SLC16A11: variants seen among roughly 807,000 people sequenced by gnomAD.
SLC16A11 encodes the protein monocarboxylate transporter 11.
A neutral mutation model predicts 26.0 loss-of-function variants in SLC16A11; 24 were observed. That is an observed-to-expected ratio of 0.92 (90% CI 0.67 to 1.30). The LOEUF is 1.30. Ranked by LOEUF, SLC16A11 falls within the 50% of genes most tolerant of loss-of-function variation. The pLI, the probability that SLC16A11 is intolerant of heterozygous loss-of-function variation, is 0.00. For missense variants in SLC16A11, 638 were observed against 597.7 expected, an observed-to-expected ratio of 1.07 and a Z score of -0.70; for synonymous variants, 332 against 296.0, an observed-to-expected ratio of 1.12 and a Z score of -1.25.
chr17:7,043,957 G>T lies in SLC16A11; in HGVS notation c.-189C>A, dbSNP rs1416746911. The T allele has an allele frequency of 9.7e-6, 2 of 206,836 alleles. No individual in the cohort carries two copies. Among genetic ancestry groups the T allele is most frequent in the African/African-American group, 4.6e-5 (2 of 43,482 alleles). The allele number at this position is 206,836 out of a possible 1,614,324, so 12.8% of individuals were successfully genotyped here. ...GGGCCTGAGCCACCTGGGACGCGGG[G>T]TGTACGGAGGGCGGGGGCGAGCTGA... On this transcript the variant is annotated 5_prime_UTR_variant, in exon 1 of 5. Coordinates refer to ENST00000574600, the MANE Select transcript of SLC16A11 (RefSeq NM_001370549.1).
At position 7,042,919 on chromosome 17, in the gene SLC16A11, A is replaced by C. The variant is rs780047693; in HGVS notation, c.346+11T>G. On this transcript the variant is annotated intron_variant, in intron 3 of 4. Transcript: ENST00000574600. This position sits in a 1 kb window ranked among gnomAD's most constrained non-coding sequence, Gnocchi z 5.9. ...TCACCCTGAATGACCCGGGCATCCC[A>C]CTTCCCTCACCAGCGAGGAGGCCCA... is the stretch of plus-strand genomic sequence containing the variant. 2 of 1,612,426 alleles carry C rather than the reference A, an allele frequency of 1.2e-6. No homozygotes were observed. The highest frequency in any genetic ancestry group is 1.7e-6 in the Non-Finnish European group (2 of 1,179,712).
At position 7,043,033 on chromosome 17, in the gene SLC16A11, G is replaced by C. The variant is rs1256766744; in HGVS notation, c.243C>G (p.Arg81=). 5 of 1,580,132 alleles carry C rather than the reference G, an allele frequency of 3.2e-6. No individual in the cohort carries two copies. The highest frequency in any genetic ancestry group is 4.3e-6 in the Non-Finnish European group (5 of 1,162,972). The change falls in exon 3 of 5, where the codon CGC becomes CGG. Residue 81 remains arginine (R), a synonymous_variant. Coordinates refer to ENST00000574600, the MANE Select transcript of SLC16A11 (RefSeq NM_001370549.1). ...GSALSTRWGA[R]PVVMVGGVLA... ...GGACGCCCCCAACCATCACCACGGG[G>C]CGGGCCCCCCAGCGCGTGCTCAGGG...
intron 2 of SLC16A11, 69 bp from the exon 3 acceptor site, chr17:7,043,142 G>A: frequency 6.8e-7 from 1 of 1,463,548 alleles, no homozygotes; most frequent in Non-Finnish European, 9.0e-7. Context: ...ACTTCTCATT[G>A]GCTGTTTGCC....
Position 7,042,509 on chromosome 17 carries a change from C to G in SLC16A11, c.601G>C (p.Ala201Pro). The change falls in exon 4 of 5, where the codon GCC becomes CCC. Residue 201 changes from alanine to proline, a missense_variant. Ala to Pro is a conservative substitution (Grantham distance 27). Coordinates refer to ENST00000574600, the MANE Select transcript of SLC16A11 (RefSeq NM_001370549.1). This position sits in a 1 kb window ranked among gnomAD's most constrained non-coding sequence, Gnocchi z 5.9. ...GCAGCTAGGGGACTACGCGGTGGGG[C>G]TGGGGGGTCTCCAGGAAGGACCAGG... The part of the protein sequence containing the change: ...LPLVLPGDPP[A>P]PPRSPLAALG... 1 of 1,562,900 alleles carries G rather than the reference C, an allele frequency of 6.4e-7. No homozygotes were observed. Among genetic ancestry groups the G allele is most frequent in the African/African-American group, 1.3e-5 (1 of 74,252 alleles).
In SLC16A11 at chr17:7,042,480, G is replaced by A. The variant is rs543474396; in HGVS notation, c.630C>T (p.Leu210=). The A allele has an allele frequency of 1.9e-6, 3 of 1,558,924 alleles. No individual in the cohort carries two copies. Among genetic ancestry groups the A allele is most frequent in the East Asian group, 2.4e-5 (1 of 42,186 alleles). Residue 210 remains leucine (L), a synonymous_variant, in exon 4 of 5, where the codon CTC becomes CTT. Coordinates refer to ENST00000574600, the MANE Select transcript of SLC16A11 (RefSeq NM_001370549.1). The surrounding 1 kb of genome is among the most constrained non-coding windows in gnomAD (Gnocchi z 5.9). ...PAPPRSPLAA[L]GLSLFTRRAF... ...CCCGGCGTGTGAACAGACTCAGGCC[G>A]AGGGCAGCTAGGGGACTACGCGGTG...
Position 7,042,516 on chromosome 17 carries a change from G to T in SLC16A11, c.594C>A (p.Asp198Glu), listed in dbSNP as rs766197321. 3.2e-6 allele frequency: 5 copies of T among 1,565,080 alleles called. No individual in the cohort carries two copies. The highest frequency in any genetic ancestry group is 1.7e-4 in the Middle Eastern group (1 of 5,998). Reference sequence around the variant, plus strand: ...GGGGACTACGCGGTGGGGCTGGGGGGTCTCCAGGAAGGACCAGGGGTAGCA... The same window carrying T: ...GGGGACTACGCGGTGGGGCTGGGGGTTCTCCAGGAAGGACCAGGGGTAGCA... Reference protein sequence around the residue: ...ALLLPLVLPGDPPAPPRSPLA... With the variant: ...ALLLPLVLPGEPPAPPRSPLA... The change falls in exon 4 of 5, where the codon GAC (aspartate) becomes GAA (glutamate). Residue 198 changes from aspartate to glutamate, a missense_variant. By Grantham distance (45) the Asp-to-Glu change is conservative. Transcript: ENST00000574600. The surrounding 1 kb of genome is among the most constrained non-coding windows in gnomAD (Gnocchi z 5.9).
chr17:7,043,072 G>T lies in SLC16A11; in HGVS notation c.204C>A (p.Ser68Arg). The T allele has an allele frequency of 6.5e-7, 1 of 1,540,134 alleles. No individual in the cohort carries two copies. The highest frequency in any genetic ancestry group is 8.7e-7 in the Non-Finnish European group (1 of 1,143,254). Residue 68 changes from serine to arginine, a missense_variant and splice_region_variant, in exon 3 of 5, where the codon AGC (serine) becomes AGA (arginine). By Grantham distance (110) the Ser-to-Arg change is moderately radical. Coordinates refer to ENST00000574600, the MANE Select transcript of SLC16A11 (RefSeq NM_001370549.1). ...ALALAVQQAA[S>R]PVGSALSTRW... ...GCGTGCTCAGGGCGCTGCCCACGGGGCCTGAAAGGGGGCGGAGTCAACGGA... is the reference window on the plus strand; with the variant it reads ...GCGTGCTCAGGGCGCTGCCCACGGGTCCTGAAAGGGGGCGGAGTCAACGGA...
chr17:7,043,590 G>C, intron 1 of SLC16A11, 71 bp from the exon 2 acceptor site: 1 of 1,537,434 alleles, frequency 6.5e-7, no homozygotes, highest in Non-Finnish European at 8.7e-7. Flanking sequence ...TGGCATCCCT[G>C]AGATCCAGCC....
rs970608559 is a variant in SLC16A11 at position 7,042,291 on chromosome 17, G to A, written c.819C>T (p.Cys273=). The A allele has an allele frequency of 8.3e-6, 13 of 1,560,850 alleles. No homozygotes were observed. The highest frequency in any genetic ancestry group is 1.1e-5 in the Non-Finnish European group (13 of 1,152,984). ...CCCAGCCTTGGTCTGCCAGCCACCC[G>A]CAGACCAGCCGGGCGCCCGCATCCC... ...AMGDAGARLV[C]GWLADQGWVP... is the part of the protein sequence containing the mutation. Residue 273 remains cysteine, a synonymous_variant, in exon 4 of 5, where the codon TGC becomes TGT. Transcript: ENST00000574600. The surrounding 1 kb of genome is among the most constrained non-coding windows in gnomAD (Gnocchi z 5.9).
chr17:7,043,878 C>T lies in SLC16A11; in HGVS notation c.-110G>A. 2.6e-6 allele frequency: 1 copy of T among 377,662 alleles called. No homozygotes were observed. 23.4% of individuals were successfully genotyped at this position (377,662 alleles called of 1,614,324 possible). ...CGGGGGCCCCGAAGGGGAGCGAGGG[C>T]AGCGATGGAGCCCAACTTGGACGGG... On this transcript the variant is annotated 5_prime_UTR_variant, in exon 1 of 5. Transcript: ENST00000574600.
rs1165482703 is a variant in SLC16A11, at chr17:7,043,786, G to C, written c.-18C>G. 4 of 559,970 alleles carry C rather than the reference G, an allele frequency of 7.1e-6. No individual in the cohort carries two copies. Among genetic ancestry groups the C allele is most frequent in the Non-Finnish European group, 1.2e-5 (4 of 341,222 alleles). The allele number at this position is 559,970 out of a possible 1,614,324, so 34.7% of individuals were successfully genotyped here. ...TCCTTCCCCCTTACCCGACCTCTCCGGGCGGTGCGGGGAGGGGAAGGGTGA... is the reference window on the plus strand; with the variant it reads ...TCCTTCCCCCTTACCCGACCTCTCCCGGCGGTGCGGGGAGGGGAAGGGTGA... On this transcript the variant is annotated 5_prime_UTR_variant, in exon 1 of 5. Transcript: ENST00000574600.
In SLC16A11 at chr17:7,043,991, A is replaced by C; in HGVS notation, c.-223T>G. On this transcript the variant is annotated 5_prime_UTR_variant, in exon 1 of 5. Transcript: ENST00000574600. ...GGGCGGGGGCGAGCTGAAACAGCCA[A>C]TCCGGCAAGCCGCGCGTGAGGCCAG... 2 of 177,642 alleles carry C rather than the reference A, an allele frequency of 1.1e-5. No individual in the cohort carries two copies. Among genetic ancestry groups the C allele is most frequent in the Non-Finnish European group, 2.3e-5 (2 of 85,380 alleles). The allele number at this position is 177,642 out of a possible 1,614,324, so 11.0% of individuals were successfully genotyped here. A position where few individuals can be genotyped will look rare whatever the true frequency, so the allele number is the denominator to read the frequency against.
At chr17:7,043,671 G>T in intron 1 of SLC16A11, 104 bp downstream of exon 1, 2 of 1,442,010 alleles carry the variant, frequency 1.4e-6, no homozygotes, top group Non-Finnish European at 1.8e-6. Context: ...GCCGGAGCCT[G>T]GCCTAGGGCT....
In SLC16A11 at chr17:7,043,073, C is replaced by T. The variant is rs77302172; in HGVS notation, c.203G>A (p.Ser68Asn). The stretch of plus-strand genomic sequence containing the variant: ...CGTGCTCAGGGCGCTGCCCACGGGG[C>T]CTGAAAGGGGGCGGAGTCAACGGAA... ...ALALAVQQAA[S>N]PVGSALSTRW... is the part of the protein sequence containing the mutation. The change falls in exon 3 of 5, where the codon AGC (serine) becomes AAC (asparagine). Residue 68 changes from serine (S) to asparagine (N), a missense_variant and splice_region_variant. Ser to Asn is a conservative substitution (Grantham distance 46). Transcript: ENST00000574600. The T allele has an allele frequency of 3.7e-3, 5,689 of 1,539,826 alleles. 156 individuals carry two copies. In the African/African-American group the frequency reaches 0.064, roughly 17 times the overall value.
rs768674102 is a variant in SLC16A11 at position 7,041,876 on chromosome 17, C to G, written c.1147G>C (p.Ala383Pro). 8.7e-6 allele frequency: 14 copies of G among 1,613,868 alleles called. No homozygotes were observed. The highest frequency in any genetic ancestry group is 2.2e-5 in the South Asian group (2 of 91,080). Residue 383 changes from alanine to proline, a missense_variant, in exon 5 of 5, where the codon GCC (alanine) becomes CCC (proline). By Grantham distance (27) the Ala-to-Pro change is conservative. Coordinates refer to ENST00000574600, the MANE Select transcript of SLC16A11 (RefSeq NM_001370549.1). Reference protein sequence around the residue: ...FLRDETGDFTASFLLSGSLIL... With the variant: ...FLRDETGDFTPSFLLSGSLIL... ...AAAGAACCAGACAGGAGGAAAGAGG[C>G]GGTGAAGTCTCCTGTCTCATCCCTT...
Position 7,042,477 on chromosome 17 carries a change from G to A in SLC16A11, c.633C>T (p.Gly211=). The A allele has an allele frequency of 6.4e-7, 1 of 1,558,104 alleles. No individual in the cohort carries two copies. Among genetic ancestry groups the A allele is most frequent in the Non-Finnish European group, 8.7e-7 (1 of 1,150,786 alleles). ...AGGCCCGGCGTGTGAACAGACTCAG[G>A]CCGAGGGCAGCTAGGGGACTACGCG... ...APPRSPLAAL[G]LSLFTRRAFS... The change falls in exon 4 of 5, where the codon GGC becomes GGT. Residue 211 remains glycine (G), a synonymous_variant. Coordinates refer to ENST00000574600, the MANE Select transcript of SLC16A11 (RefSeq NM_001370549.1). The surrounding 1 kb of genome is among the most constrained non-coding windows in gnomAD (Gnocchi z 5.9).
chr17:7,042,455 C>A lies in SLC16A11; in HGVS notation c.655G>T (p.Ala219Ser). ...ALGLSLFTRR[A>S]FSIFALGTAL... is the part of the protein sequence containing the mutation. The stretch of plus-strand genomic sequence containing the variant: ...GTGCCTAGAGCAAAGATTGAGAAGG[C>A]CCGGCGTGTGAACAGACTCAGGCCG... Residue 219 changes from alanine to serine, a missense_variant, in exon 4 of 5, where the codon GCC (alanine) becomes TCC (serine). Physicochemically the swap from Ala to Ser is moderately conservative, Grantham distance 99. Coordinates refer to ENST00000574600, the MANE Select transcript of SLC16A11 (RefSeq NM_001370549.1). The surrounding 1 kb of genome is among the most constrained non-coding windows in gnomAD (Gnocchi z 5.9). 3 of 1,556,500 alleles carry A rather than the reference C, an allele frequency of 1.9e-6. No individual in the cohort carries two copies. The highest frequency in any genetic ancestry group is 2.6e-6 in the Non-Finnish European group (3 of 1,149,832).
At position 7,042,284 on chromosome 17, in the gene SLC16A11, G is replaced by A; in HGVS notation, c.826C>T (p.Leu276=). Residue 276 remains leucine, a synonymous_variant, in exon 4 of 5, where the codon CTG becomes TTG. Coordinates refer to ENST00000574600, the MANE Select transcript of SLC16A11 (RefSeq NM_001370549.1). This position sits in a 1 kb window ranked among gnomAD's most constrained non-coding sequence, Gnocchi z 5.9. ...AGGGGCACCCAGCCTTGGTCTGCCA[G>A]CCACCCGCAGACCAGCCGGGCGCCC... ...DAGARLVCGW[L]ADQGWVPLPR... 1 of 1,566,424 alleles carries A rather than the reference G, an allele frequency of 6.4e-7. No individual in the cohort carries two copies. Among genetic ancestry groups the A allele is most frequent in the Non-Finnish European group, 8.6e-7 (1 of 1,156,100 alleles).
At position 7,041,840 on chromosome 17, in the gene SLC16A11, C is replaced by A. The variant is rs138521125; in HGVS notation, c.1183G>T (p.Gly395Cys). Residue 395 changes from glycine to cysteine, a missense_variant, in exon 5 of 5, where the codon GGC becomes TGC. Coordinates refer to ENST00000574600, the MANE Select transcript of SLC16A11 (RefSeq NM_001370549.1). ...FLLSGSLILS[G>C]SFIYIGLPRA... ...GGCAACCCTATGTAGATGAAGCTGC[C>A]GGAGAGGATCAAAGAACCAGACAGG... is the stretch of plus-strand genomic sequence containing the variant. The A allele has an allele frequency of 2.5e-6, 4 of 1,613,844 alleles. No individual in the cohort carries two copies. The Admixed American group carries it at 6.7e-5, about 27-fold the overall frequency.
Sources: allele counts gnomAD v4.1 joint callset, GRCh38; gene constraint gnomAD v4.1.1; non-coding constraint Gnocchi (gnomAD v3.1); transcripts MANE v1.5; gene names NCBI Gene and HGNC (gene_info 2026-07-23, HGNC 2026-07-21).